The following CACNA2D2 variants were observed in gnomAD, a reference collection of about 807,000 sequenced individuals.
The protein encoded by CACNA2D2 is voltage-dependent calcium channel subunit alpha-2/delta-2.
CACNA2D2 carries 48 observed loss-of-function variants against 166.4 expected under a neutral mutation model. That is an observed-to-expected ratio of 0.29 (90% confidence interval 0.23 to 0.37). The LOEUF (loss-of-function observed/expected upper bound fraction) is 0.37, where lower values mean the gene tolerates loss of function less well. Among genes scored for constraint, CACNA2D2 ranks in the 10% least tolerant of loss-of-function variants. CACNA2D2 has a pLI of 1.00. For missense variants in CACNA2D2, 1,122 were observed against 1,433.0 expected, an observed-to-expected ratio of 0.78 and a Z score of 3.50; for synonymous variants, 561 against 573.7, an observed-to-expected ratio of 0.98 and a Z score of 0.32.
intron 1 of CACNA2D2, among the ~76,000 whole-genome samples, chr3:50,493,825 T>C (rs1371983799): frequency 6.6e-6 from 1 of 152,108 alleles, no homozygotes. Flanking sequence ...GAGGAGGGTG[T>C]TGGTCAGGAA....
intron 2 of CACNA2D2, among the ~76,000 whole-genome samples, chr3:50,475,235 G>C (rs1034895157): frequency 6.6e-6 from 1 of 152,106 alleles, no homozygotes; most frequent in African/African-American, 2.4e-5. Context: ...GGGACAACAG[G>C]AACACAGTGG....
At chr3:50,479,945 C>G (rs1177585750) in intron 1 of CACNA2D2, among the ~76,000 whole-genome samples, 1 of 152,174 alleles carries the variant, frequency 6.6e-6, no homozygotes, top group Non-Finnish European at 1.5e-5. Flanking sequence ...AAGTGCCAAA[C>G]TAACAAGGCA....
chr3:50,493,212 T>C (rs1698589727), intron 1 of CACNA2D2, among the ~76,000 whole-genome samples: 1 of 152,108 alleles, frequency 6.6e-6, no homozygotes, highest in African/African-American at 2.4e-5. Context: ...TTCTGCAGAA[T>C]CTCCACCTCC....
At chr3:50,450,454 T>G (rs912783847) in intron 2 of CACNA2D2, among the ~76,000 whole-genome samples, 4 of 151,322 alleles carry the variant, frequency 2.6e-5, no homozygotes, top group African/African-American at 9.7e-5. Context: ...AGACAATGTG[T>G]GTTTAAGGAA....
intron 2 of CACNA2D2, among the ~76,000 whole-genome samples, chr3:50,438,663 CAT>C (rs1456865641): frequency 2.6e-5 from 4 of 152,170 alleles, no homozygotes; most frequent in African/African-American, 9.7e-5. Flanking sequence ...GTGCCTGGAA[CAT>C]AGAGACAGCC....
intron 2 of CACNA2D2, among the ~76,000 whole-genome samples, chr3:50,470,859 G>A (rs749802615): frequency 2.0e-5 from 3 of 152,068 alleles, no homozygotes; most frequent in African/African-American, 4.8e-5. Flanking sequence ...AATTATGCTC[G>A]AGCAGCGGCC....
intron 3 of CACNA2D2, among the ~76,000 whole-genome samples, chr3:50,416,933 A>C (rs1180031762): frequency 6.6e-6 from 1 of 152,220 alleles, no homozygotes; most frequent in Non-Finnish European, 1.5e-5. Flanking sequence ...GCACATGTGC[A>C]CATGTATCCC....
chr3:50,422,923 C>T (rs578204104), intron 3 of CACNA2D2, among the ~76,000 whole-genome samples: 4 of 152,364 alleles, frequency 2.6e-5, no homozygotes, highest in South Asian at 2.1e-4. Flanking sequence ...CTCTGCTACG[C>T]GGCCAACAGA....
At chr3:50,436,391 G>C (rs553950483) in intron 2 of CACNA2D2, among the ~76,000 whole-genome samples, 1 of 152,206 alleles carries the variant, frequency 6.6e-6, no homozygotes, top group African/African-American at 2.4e-5. Context: ...GGACCATGTG[G>C]TTCTCCTGGG....
At chr3:50,390,050 T>C (rs1399990319) in intron 4 of CACNA2D2, among the ~76,000 whole-genome samples, 1 of 152,064 alleles carries the variant, frequency 6.6e-6, no homozygotes, top group African/African-American at 2.4e-5. Context: ...CTCTGTCTGC[T>C]TGGGCCAACA....
chr3:50,364,752 G>A lies in CACNA2D2; in HGVS notation c.3346C>T (p.Leu1116=), dbSNP rs181614194. 1.1e-5 allele frequency: 18 copies of A among 1,570,982 alleles called. No homozygotes were observed. The highest frequency in any genetic ancestry group is 1.6e-5 in the Non-Finnish European group (18 of 1,159,018). ...GASFPPSLGV[L]VSLQLLLLLG... is the part of the protein sequence containing the mutation. ...AGGAGCAGCAGTTGCAGGGAGACCAGGACGCCCAGCGACGGCGGGAAGGAG... is the reference window on the plus strand; with the variant it reads ...AGGAGCAGCAGTTGCAGGGAGACCAAGACGCCCAGCGACGGCGGGAAGGAG... The change falls in exon 38 of 38, where the codon CTG becomes TTG. Residue 1116 remains leucine (L), a synonymous_variant. Coordinates refer to ENST00000424201, the MANE Select transcript of CACNA2D2 (RefSeq NM_006030.4).
chr3:50,482,434 C>A (rs1225461756), intron 1 of CACNA2D2, among the ~76,000 whole-genome samples: 3 of 152,236 alleles, frequency 2.0e-5, no homozygotes, highest in African/African-American at 7.2e-5. Context: ...AGACCTTGAA[C>A]TAGACCTTTC....
At chr3:50,372,124 CCTCT>C (rs1422850364) in intron 22 of CACNA2D2, among the ~76,000 whole-genome samples, 1 of 152,064 alleles carries the variant, frequency 6.6e-6, no homozygotes, top group Non-Finnish European at 1.5e-5. Flanking sequence ...GTAATGCTGT[CCTCT>C]CTCACTCCCC....
At chr3:50,389,428 G>A (rs909467366) in intron 4 of CACNA2D2, among the ~76,000 whole-genome samples, 9 of 152,200 alleles carry the variant, frequency 5.9e-5, no homozygotes, top group African/African-American at 1.7e-4. Flanking sequence ...TAATGAAAGC[G>A]GGCGGGTGCG....
intron 4 of CACNA2D2, among the ~76,000 whole-genome samples, chr3:50,391,105 C>T (rs1315769788): frequency 6.6e-6 from 1 of 152,230 alleles, no homozygotes; most frequent in Non-Finnish European, 1.5e-5. Context: ...GCCACCTGTC[C>T]TGTCCAGCTG....
chr3:50,394,756 G>A (rs1395055958), intron 3 of CACNA2D2, among the ~76,000 whole-genome samples: 1 of 152,234 alleles, frequency 6.6e-6, no homozygotes, highest in Non-Finnish European at 1.5e-5. Context: ...AGAGCAGAAT[G>A]TCCCTCAGGG....
At chr3:50,378,458 C>A in intron 13 of CACNA2D2, 125 bp from the exon 14 acceptor site, 2 of 941,128 alleles carry the variant, frequency 2.1e-6, no homozygotes, top group Non-Finnish European at 1.7e-6. Flanking sequence ...TTTTTGGGGT[C>A]CTCTCCCTCT....
intron 1 of CACNA2D2, among the ~76,000 whole-genome samples, chr3:50,493,994 C>A (rs1399534696): frequency 6.6e-6 from 1 of 152,234 alleles, no homozygotes; most frequent in East Asian, 1.9e-4. Flanking sequence ...CCAGGCAAGG[C>A]CTCAGGGGCT....
chr3:50,396,607 T>G (rs1344510007), intron 3 of CACNA2D2, among the ~76,000 whole-genome samples: 1 of 152,164 alleles, frequency 6.6e-6, no homozygotes, highest in Non-Finnish European at 1.5e-5. Context: ...TAGAGGGCAT[T>G]ACTGTGTGAC....
Sources: gnomAD v4.1 joint callset for allele counts (sites outside exome capture counted in the v4.1 genomes callset) on GRCh38, gnomAD v4.1.1 for gene constraint, MANE v1.5 for transcripts, NCBI Gene and HGNC (gene_info 2026-07-23, HGNC 2026-07-21) for gene names.